ADGRL3: variants seen among roughly 807,000 people sequenced by gnomAD.
The protein encoded by ADGRL3 is adhesion G protein-coupled receptor L3, also known as calcium-independent alpha-latrotoxin receptor 3.
In ADGRL3, 62 loss-of-function variants were observed where a neutral mutation model predicts 153.5. The ratio of observed to expected loss-of-function variants is 0.40; its 90% CI spans 0.33 to 0.50. The LOEUF is 0.50. ADGRL3 is among the 20% of genes least tolerant of loss of function. The probability of loss-of-function intolerance (pLI) is 0.47; values close to 1 mark genes in which losing one functional copy is unlikely to be tolerated. For missense variants in ADGRL3, 1,641 were observed against 1,859.4 expected, an observed-to-expected ratio of 0.88 and a Z score of 2.16; for synonymous variants, 710 against 672.5, an observed-to-expected ratio of 1.06 and a Z score of -0.86.
intron 17 of ADGRL3, among the ~76,000 whole-genome samples, chr4:61,966,178 A>T (rs927706039): frequency 1.3e-5 from 2 of 152,218 alleles, no homozygotes; most frequent in African/African-American, 4.8e-5. Context: ...GCACATGTAC[A>T]TATTTATATT....
At chr4:61,303,332 C>T (rs191238444) in intron 1 of ADGRL3, among the ~76,000 whole-genome samples, 2 of 152,068 alleles carry the variant, frequency 1.3e-5, no homozygotes, top group Non-Finnish European at 2.9e-5. Context: ...GGAATAATAA[C>T]CTTATAGGTT....
chr4:61,415,333 T>C (rs1186291638), intron 2 of ADGRL3, among the ~76,000 whole-genome samples: 1 of 152,056 alleles, frequency 6.6e-6, no homozygotes, highest in Non-Finnish European at 1.5e-5. Flanking sequence ...CTTATTTCCT[T>C]GAAGTCTGTT....
intron 4 of ADGRL3, among the ~76,000 whole-genome samples, chr4:61,558,195 T>TATATATATATATATATA (rs2098777243): frequency 3.5e-5 from 5 of 144,548 alleles, no homozygotes; most frequent in African/African-American, 1.3e-4. Context: ...TATATATATA[T>TATATATATATATATATA]GATTTACACT....
intron 5 of ADGRL3, among the ~76,000 whole-genome samples, chr4:61,591,176 G>T (rs549614995): frequency 4.4e-4 from 67 of 152,098 alleles, no homozygotes; most frequent in African/African-American, 1.6e-3. Flanking sequence ...TTAATAAAAG[G>T]TTTCATATAT....
At position 61,202,450 on chromosome 4, in the gene ADGRL3, G is replaced by A. The variant is rs574971518; in HGVS notation, c.-240+685G>A. ...AGGCTTTGTTAGGCGGTTTTGGCTG[G>A]AGAAAGCTGCCACTTTCGTGGGTGG... On this transcript the variant is annotated intron_variant, in intron 1 of 26. Coordinates refer to ENST00000683033, the MANE Select transcript of ADGRL3 (RefSeq NM_001387552.1). The surrounding 1 kb of genome is among the most constrained non-coding windows in gnomAD (Gnocchi z 5.0). Among the ~76,000 whole-genome samples the A allele has an allele frequency of 6.6e-6, 1 of 152,180 alleles. No homozygotes were observed. The highest frequency in any genetic ancestry group is 2.4e-5 in the African/African-American group (1 of 41,462).
At chr4:62,023,042 T>C (rs1581928444) in intron 21 of ADGRL3, among the ~76,000 whole-genome samples, 1 of 88,334 alleles carries the variant, frequency 1.1e-5, no homozygotes, top group African/African-American at 3.5e-5. Flanking sequence ...AAATTGAAAA[T>C]TGAAAACCTT....
chr4:61,770,334 T>G (rs2097069112), intron 8 of ADGRL3, among the ~76,000 whole-genome samples: 1 of 152,146 alleles, frequency 6.6e-6, no homozygotes, highest in African/African-American at 2.4e-5. Flanking sequence ...GCCTATTATT[T>G]TTTTTCCTTT....
chr4:61,809,201 A>G (rs1025991706), intron 8 of ADGRL3, among the ~76,000 whole-genome samples: 12 of 152,142 alleles, frequency 7.9e-5, no homozygotes, highest in Non-Finnish European at 1.5e-4. Context: ...GAAAAATGGT[A>G]TAACTGTAGA....
intron 9 of ADGRL3, among the ~76,000 whole-genome samples, chr4:61,869,062 C>T (rs1328255322): frequency 6.6e-6 from 1 of 152,154 alleles, no homozygotes; most frequent in Non-Finnish European, 1.5e-5. Context: ...CCCACTTCAG[C>T]ATCCTGAGTA....
intron 23 of ADGRL3, among the ~76,000 whole-genome samples, chr4:62,032,492 C>G (rs1019213701): frequency 6.6e-6 from 1 of 151,326 alleles, no homozygotes; most frequent in Non-Finnish European, 1.5e-5. Flanking sequence ...GTTAATTAAC[C>G]TCCCCATGTC....
chr4:62,016,763 A>G (rs2099214062), intron 21 of ADGRL3, among the ~76,000 whole-genome samples: 1 of 152,126 alleles, frequency 6.6e-6, no homozygotes, highest in African/African-American at 2.4e-5. Flanking sequence ...CATTAAATAT[A>G]TGGATTATGT....
At position 61,790,355 on chromosome 4, in the gene ADGRL3, T is replaced by C. The variant is rs528170987; in HGVS notation, c.1400-23454T>C. 3.9e-5 allele frequency among the ~76,000 whole-genome samples: 6 copies of C among 152,314 alleles called. No homozygotes were observed. The East Asian group carries it at 1.2e-3, about 29-fold the overall frequency. On this transcript the variant is annotated intron_variant, in intron 8 of 26. Transcript: ENST00000683033. ...TACATTCATTTATGTATAGTAGGCC[T>C]GCCCTTATTGTGGGAGATACATCCC...
chr4:61,768,011 G>A (rs2097021320), intron 8 of ADGRL3, among the ~76,000 whole-genome samples: 1 of 152,104 alleles, frequency 6.6e-6, no homozygotes, highest in Non-Finnish European at 1.5e-5. Flanking sequence ...TTGAGAATAA[G>A]ACGGCCTTTT....
At chr4:62,022,589 T>G (rs1210579631) in intron 21 of ADGRL3, among the ~76,000 whole-genome samples, 1 of 152,140 alleles carries the variant, frequency 6.6e-6, no homozygotes, top group Non-Finnish European at 1.5e-5. Flanking sequence ...AATAATAGAC[T>G]GACTCTCTTG....
At chr4:61,642,676 T>C (rs1412430623) in intron 5 of ADGRL3, among the ~76,000 whole-genome samples, 2 of 152,172 alleles carry the variant, frequency 1.3e-5, no homozygotes, top group Non-Finnish European at 2.9e-5. Flanking sequence ...TACCATGCTG[T>C]TTTGGTTACT....
At chr4:62,053,809 G>A (rs1003925101) in intron 25 of ADGRL3, among the ~76,000 whole-genome samples, 1 of 151,378 alleles carries the variant, frequency 6.6e-6, no homozygotes, top group South Asian at 2.1e-4. Flanking sequence ...TTTTAGTCAC[G>A]ACAGACCTTC....
chr4:61,457,053 A>T (rs2097763403), intron 2 of ADGRL3, among the ~76,000 whole-genome samples: 1 of 151,938 alleles, frequency 6.6e-6, no homozygotes, highest in Admixed American at 6.6e-5. Flanking sequence ...TTTCTAAATT[A>T]ATTTATCATG....
chr4:62,040,453 A>T (rs1441011781), intron 24 of ADGRL3, among the ~76,000 whole-genome samples: 1 of 152,076 alleles, frequency 6.6e-6, no homozygotes, highest in African/African-American at 2.4e-5. Flanking sequence ...TTTAGGTAAG[A>T]CTAATAAATA....
In ADGRL3 at chr4:61,418,167, C is replaced by A. The variant is rs1346450849; in HGVS notation, c.-174+34978C>A. Among the ~76,000 whole-genome samples the A allele has an allele frequency of 2.0e-5, 3 of 152,132 alleles. No individual in the cohort carries two copies. The South Asian group carries it at 6.2e-4, about 32-fold the overall frequency. On this transcript the variant is annotated intron_variant, in intron 2 of 26. Transcript: ENST00000683033. ...GGCACATTTCATGTAAGATTGCTAC[C>A]CATTTTGGAAATTTTGCTCAACAAC... is the stretch of plus-strand genomic sequence containing the variant.
Sources: gnomAD v4.1 joint callset for allele counts (sites outside exome capture counted in the v4.1 genomes callset) on GRCh38, gnomAD v4.1.1 for gene constraint, Gnocchi (gnomAD v3.1) non-coding constraint, MANE v1.5 for transcripts, NCBI Gene and HGNC (gene_info 2026-07-23, HGNC 2026-07-21) for gene names.